Variants in CFAP52 observed in about 807,000 individuals in gnomAD.
CFAP52 encodes cilia- and flagella-associated protein 52.
Under a neutral mutation model 70.5 loss-of-function variants are expected in CFAP52, and 57 were observed. That is an observed-to-expected ratio of 0.81 (90% confidence interval 0.65 to 1.01). The LOEUF (loss-of-function observed/expected upper bound fraction) is 1.01. Among genes scored for constraint, CFAP52 ranks in the 50% least tolerant of loss-of-function variants. CFAP52 has a pLI of 0.00. For missense variants in CFAP52, 785 were observed against 788.5 expected (o/e 1.00, Z 0.05); for synonymous variants, 267 against 292.5 (o/e 0.91, Z 0.89).
intron 1 of CFAP52, among the ~76,000 whole-genome samples, chr17:9,578,461 G>GC (rs1182272233): frequency 6.6e-6 from 1 of 152,182 alleles, no homozygotes; most frequent in Non-Finnish European, 1.5e-5. Context: ...CTATGAACTG[G>GC]ACAGGTTGCA....
Position 9,600,057 on chromosome 17 carries a change from G to C in CFAP52, c.637-10G>C. 1.2e-6 allele frequency: 2 copies of C among 1,611,802 alleles called. No individual in the cohort carries two copies. The highest frequency in any genetic ancestry group is 1.7e-6 in the Non-Finnish European group (2 of 1,178,502). ...AGGCTGGCCAAGATTTCTTTTTCTT[G>C]CTTCTTCAGGTGGATGATGATGATA... On this transcript the variant is annotated splice_polypyrimidine_tract_variant and intron_variant, in intron 5 of 13. Coordinates refer to ENST00000352665, the MANE Select transcript of CFAP52 (RefSeq NM_145054.5).
chr17:9,621,921 G>T (rs1171383583), intron 8 of CFAP52, among the ~76,000 whole-genome samples: 1 of 149,780 alleles, frequency 6.7e-6, no homozygotes, highest in Non-Finnish European at 1.5e-5. Flanking sequence ...ACGTTAGTGG[G>T]TGCAGCGCAC....
At chr17:9,608,020 G>A (rs1341584223) in intron 6 of CFAP52, 99 bp from the exon 7 acceptor site, 5 of 831,562 alleles carry the variant, frequency 6.0e-6, no homozygotes, top group Admixed American at 3.3e-5. Context: ...ATTGCCATAT[G>A]TTTTTGGGGA....
chr17:9,643,271 A>G lies in CFAP52; in HGVS notation c.*73A>G. ...AAGACTGAGTTTAGATAACTCCAACACTAGTCTTCATTTCTCACAGCTCTG... is the reference window on the plus strand; with the variant it reads ...AAGACTGAGTTTAGATAACTCCAACGCTAGTCTTCATTTCTCACAGCTCTG... On this transcript the variant is annotated 3_prime_UTR_variant, in exon 14 of 14. Transcript: ENST00000352665. 7.9e-7 allele frequency: 1 copy of G among 1,273,358 alleles called. No homozygotes were observed. The highest frequency in any genetic ancestry group is 2.7e-5 in the South Asian group (1 of 37,334). 78.9% of individuals were successfully genotyped at this position (1,273,358 alleles called of 1,614,324 possible). A position where few individuals can be genotyped will look rare whatever the true frequency, so the allele number is the denominator to read the frequency against.
chr17:9,590,648 C>T (rs1395431650), intron 3 of CFAP52, among the ~76,000 whole-genome samples: 1 of 152,172 alleles, frequency 6.6e-6, no homozygotes, highest in Non-Finnish European at 1.5e-5. Flanking sequence ...CATTAGGCCA[C>T]CCCAATCCCA....
chr17:9,588,434 T>C (rs1488672470), intron 3 of CFAP52, among the ~76,000 whole-genome samples: 2 of 152,152 alleles, frequency 1.3e-5, no homozygotes, highest in Admixed American at 1.3e-4. Flanking sequence ...GCTGCGCAGC[T>C]GTATGTGGGA....
At chr17:9,623,690 GTTTGT>G (rs757485213) in intron 8 of CFAP52, among the ~76,000 whole-genome samples, 5 of 151,716 alleles carry the variant, frequency 3.3e-5, no homozygotes, top group Admixed American at 1.3e-4. Flanking sequence ...TTGTTTGTTT[GTTTGT>G]TTGTTTAAGA....
chr17:9,606,895 C>G (rs1328171177), intron 6 of CFAP52, among the ~76,000 whole-genome samples: 1 of 152,146 alleles, frequency 6.6e-6, no homozygotes, highest in Non-Finnish European at 1.5e-5. Context: ...CATTCTTGAG[C>G]CTTGGTTTCT....
chr17:9,641,511 G>C (rs112258380), intron 12 of CFAP52, among the ~76,000 whole-genome samples: 1,979 of 152,242 alleles, frequency 0.013, 50 homozygotes, highest in African/African-American at 0.045. Flanking sequence ...ACATCAACAT[G>C]TCTTTAAATA....
In CFAP52 at chr17:9,586,818, G is replaced by T. The variant is rs1259358535; in HGVS notation, c.391G>T (p.Gly131Cys). The change falls in exon 3 of 14, where the codon GGC (glycine) becomes TGC (cysteine). Residue 131 changes from glycine (G) to cysteine (C), a missense_variant. By Grantham distance (159) the Gly-to-Cys change is radical. Transcript: ENST00000352665. ...TGATTTGTACTTGGTATCACTAGGA[G>T]GCCCAGATGACGGAAGGTAATGAAC... ...PNDLYLVSLG[G>C]PDDGSVVVWS... The T allele has an allele frequency of 6.9e-6, 11 of 1,604,734 alleles. No individual in the cohort carries two copies. The highest frequency in any genetic ancestry group is 9.3e-6 in the Non-Finnish European group (11 of 1,177,402).
intron 6 of CFAP52, among the ~76,000 whole-genome samples, chr17:9,603,908 A>C (rs899273493): frequency 2.0e-5 from 3 of 152,222 alleles, no homozygotes; most frequent in Non-Finnish European, 4.4e-5. Flanking sequence ...TTCAAGACTT[A>C]CCATAAAACT....
At chr17:9,612,601 A>G (rs149304215) in intron 8 of CFAP52, 122 bp downstream of exon 8, 52 of 1,136,602 alleles carry the variant, frequency 4.6e-5, no homozygotes, top group African/African-American at 2.9e-4. Flanking sequence ...AAATTTTTCT[A>G]ACGTGGTGAA....
At chr17:9,636,174 CA>C (rs562065794) in intron 11 of CFAP52, among the ~76,000 whole-genome samples, 1 of 78,718 alleles carries the variant, frequency 1.3e-5, no homozygotes, top group Non-Finnish European at 2.6e-5. Context: ...AACTCTGTCT[CA>C]AAAAAAAGAA....
intron 9 of CFAP52, among the ~76,000 whole-genome samples, chr17:9,631,052 G>GAGAGAGAGAGAGAGAGAGAGAAAGAA (rs370935367): frequency 5.3e-5 from 2 of 37,948 alleles, no homozygotes; most frequent in African/African-American, 1.3e-4. Flanking sequence ...GAGAGAGAGA[G>GAGAGAGAGAGAGAGAGAGAGAAAGAA]AGAAAGAAAG....
intron 4 of CFAP52, chr17:9,594,631 T>A (rs776814442): frequency 1.4e-4 from 28 of 198,976 alleles, no homozygotes; most frequent in South Asian, 2.2e-4. Context: ...TTGCACAGAT[T>A]CACCTACTGA....
At chr17:9,629,885 C>T (rs569254647) in intron 9 of CFAP52, among the ~76,000 whole-genome samples, 2 of 152,028 alleles carry the variant, frequency 1.3e-5, no homozygotes, top group South Asian at 4.2e-4. Flanking sequence ...CCACTGCACC[C>T]GGTCCTCACT....
At chr17:9,639,430 T>TA (rs796910382) in intron 12 of CFAP52, among the ~76,000 whole-genome samples, 1,807 of 141,264 alleles carry the variant, frequency 0.013, 12 homozygotes, top group Middle Eastern at 0.021. Context: ...GACTCTCTCT[T>TA]AAAAAAAAAA....
chr17:9,638,742 T>G lies in CFAP52; in HGVS notation c.1575+31T>G, dbSNP rs752053191. ...TCCTCCCAGTGAGAGATGAGATCTT[T>G]CCAGCGCAAGAGAAAAGCAGTGAGG... On this transcript the variant is annotated intron_variant, in intron 12 of 13. Coordinates refer to ENST00000352665, the MANE Select transcript of CFAP52 (RefSeq NM_145054.5). 7.5e-6 allele frequency: 12 copies of G among 1,607,360 alleles called. No homozygotes were observed. In the Admixed American group the frequency reaches 1.5e-4, roughly 20 times the overall value.
intron 7 of CFAP52, among the ~76,000 whole-genome samples, chr17:9,611,289 A>T (rs951208921): frequency 9.9e-5 from 15 of 152,206 alleles, no homozygotes; most frequent in Non-Finnish European, 2.2e-4. Flanking sequence ...GAAGAGGGAG[A>T]AATCTGAAAT....
Sources: gnomAD v4.1 joint callset for allele counts (sites outside exome capture counted in the v4.1 genomes callset) on GRCh38, gnomAD v4.1.1 for gene constraint, MANE v1.5 for transcripts, NCBI Gene and HGNC (gene_info 2026-07-23, HGNC 2026-07-21) for gene names.